The following EYA1 variants were observed in gnomAD, a reference collection of about 807,000 sequenced individuals.
The protein encoded by EYA1 is protein phosphatase EYA1.
Under a neutral mutation model 82.0 loss-of-function variants are expected in EYA1, and 16 were observed. That is an observed-to-expected ratio of 0.20 (90% CI 0.13 to 0.30). EYA1 has a LOEUF of 0.30. Among genes scored for constraint, EYA1 ranks in the 10% least tolerant of loss-of-function variants. The pLI is 1.00. For missense variants in EYA1, 633 were observed against 730.7 expected (o/e 0.87, Z 1.54); for synonymous variants, 261 against 264.4 (o/e 0.99, Z 0.12).
chr8:71,201,655 TACTC>T (rs1807036039), intron 17 of EYA1, among the ~76,000 whole-genome samples: 1 of 152,336 alleles, frequency 6.6e-6, no homozygotes, highest in Admixed American at 6.5e-5. Context: ...TATATGTACA[TACTC>T]AAACATACTT....
At chr8:71,512,482 A>G (rs984582989) in intron 2 of EYA1, among the ~76,000 whole-genome samples, 1 of 152,088 alleles carries the variant, frequency 6.6e-6, no homozygotes, top group African/African-American at 2.4e-5. Context: ...GAAACAGGAG[A>G]AAAAAACTAA....
At chr8:71,201,461 C>G (rs1199737653) in intron 17 of EYA1, among the ~76,000 whole-genome samples, 1 of 152,086 alleles carries the variant, frequency 6.6e-6, no homozygotes, top group Non-Finnish European at 1.5e-5. Flanking sequence ...CGTGCATTCT[C>G]TGTGGGCTAA....
chr8:71,229,248 T>G (rs1156415138), intron 12 of EYA1, among the ~76,000 whole-genome samples: 1 of 151,940 alleles, frequency 6.6e-6, no homozygotes, highest in Non-Finnish European at 1.5e-5. Context: ...CCATTAAGTT[T>G]TTATTGGTTT....
intron 1 of EYA1, among the ~76,000 whole-genome samples, chr8:71,357,020 T>A (rs1826954889): frequency 6.6e-6 from 1 of 152,240 alleles, no homozygotes; most frequent in Admixed American, 6.5e-5. Flanking sequence ...ATAATGGTTT[T>A]CTCCTACATT....
intron 17 of EYA1, chr8:71,204,212 T>A (rs2128813266): frequency 6.6e-6 from 1 of 152,312 alleles, no homozygotes; most frequent in East Asian, 1.9e-4. Context: ...CAATGACACA[T>A]CCTTCCTGTT....
At chr8:71,279,843 T>TTG in intron 9 of EYA1, among the ~76,000 whole-genome samples, 1 of 152,190 alleles carries the variant, frequency 6.6e-6, no homozygotes, top group South Asian at 2.1e-4. Context: ...TTCTCCTTTT[T>TTG]TGTGTGTGTG....
chr8:71,302,442 A>C (rs1820301523), intron 7 of EYA1, among the ~76,000 whole-genome samples: 1 of 152,134 alleles, frequency 6.6e-6, no homozygotes, highest in Non-Finnish European at 1.5e-5. Context: ...TTCCAGACTA[A>C]ATGCTACTTC....
chr8:71,282,736 C>T (rs1430066876), intron 9 of EYA1, among the ~76,000 whole-genome samples: 1 of 152,196 alleles, frequency 6.6e-6, no homozygotes, highest in Non-Finnish European at 1.5e-5. Context: ...TTTGCTCCTA[C>T]AGTCCTGGTT....
chr8:71,357,293 A>T (rs1394699043), intron 1 of EYA1, among the ~76,000 whole-genome samples: 1 of 152,224 alleles, frequency 6.6e-6, no homozygotes, highest in Non-Finnish European at 1.5e-5. Flanking sequence ...TCAATTCACC[A>T]TCCTAGTCAG....
chr8:71,497,425 A>G (rs1204623879), intron 2 of EYA1, among the ~76,000 whole-genome samples: 3 of 152,244 alleles, frequency 2.0e-5, no homozygotes, highest in Non-Finnish European at 4.4e-5. Context: ...AAAGTCCCTG[A>G]ATAGGTATTT....
intron 3 of EYA1, chr8:71,334,390 C>A: frequency 1.6e-6 from 1 of 610,010 alleles, no homozygotes; most frequent in Non-Finnish European, 2.9e-6. Context: ...CACAAGTTAC[C>A]CTTTAAAAGC....
At chr8:71,261,345 G>A (rs1815083215) in intron 11 of EYA1, among the ~76,000 whole-genome samples, 1 of 152,114 alleles carries the variant, frequency 6.6e-6, no homozygotes, top group Non-Finnish European at 1.5e-5. Context: ...ACTTAGATAT[G>A]AAATATCAGA....
intron 2 of EYA1, among the ~76,000 whole-genome samples, chr8:71,458,731 T>TG: frequency 6.6e-6 from 1 of 151,708 alleles, no homozygotes; most frequent in East Asian, 1.9e-4. Context: ...TAAAGAAGAG[T>TG]GGGGTAGATC....
rs71555583 is a variant in EYA1, at chr8:71,485,575, T to TAA, written c.33+50167_33+50168dup. The stretch of plus-strand genomic sequence containing the variant: ...CAAGTCAACGGAAGAGTAAACCATT[T>TAA]AAAAAAAAAAGAGTTTACTAGTTTG... On this transcript the variant is annotated intron_variant, in intron 2 of 18. Transcript: ENST00000643681. Among the ~76,000 whole-genome samples the TAA allele has an allele frequency of 1.3e-4, 19 of 149,448 alleles. No individual in the cohort carries two copies. The East Asian group carries it at 2.1e-3, about 17-fold the overall frequency.
chr8:71,476,334 A>T (rs1809660314), intron 2 of EYA1, among the ~76,000 whole-genome samples: 1 of 152,164 alleles, frequency 6.6e-6, no homozygotes, highest in South Asian at 2.1e-4. Flanking sequence ...AGTCAACAAT[A>T]TTCAAATCTC....
intron 9 of EYA1, among the ~76,000 whole-genome samples, chr8:71,274,576 C>G (rs1181054238): frequency 1.3e-5 from 2 of 152,104 alleles, no homozygotes; most frequent in Non-Finnish European, 2.9e-5. Flanking sequence ...GGCACTGTAC[C>G]AGGAGCATGA....
At chr8:71,528,448 G>A (rs554246665) in intron 2 of EYA1, among the ~76,000 whole-genome samples, 1 of 152,240 alleles carries the variant, frequency 6.6e-6, no homozygotes, top group East Asian at 1.9e-4. Context: ...AATACAACCT[G>A]GTGCCCAATG....
At chr8:71,284,971 T>C (rs945891477) in intron 9 of EYA1, among the ~76,000 whole-genome samples, 1 of 152,218 alleles carries the variant, frequency 6.6e-6, no homozygotes, top group Non-Finnish European at 1.5e-5. Flanking sequence ...TTATTAGGTT[T>C]GGCTGTACAC....
chr8:71,404,808 C>A (rs920069456), intron 2 of EYA1: 1 of 153,300 alleles, frequency 6.5e-6, no homozygotes, highest in Admixed American at 6.6e-5. Context: ...GTCCCAGTTA[C>A]TCAGGAGGCT....
Sources: allele counts gnomAD v4.1 joint callset (sites outside exome capture counted in the v4.1 genomes callset), GRCh38; gene constraint gnomAD v4.1.1; transcripts MANE v1.5; gene names NCBI Gene and HGNC (gene_info 2026-07-23, HGNC 2026-07-21).